The following AKAP12 variants were observed in gnomAD, a reference collection of about 807,000 sequenced individuals.
The protein encoded by AKAP12 is A-kinase anchoring protein 12.
AKAP12 carries 32 observed loss-of-function variants against 79.9 expected under a neutral mutation model. That is an observed-to-expected ratio of 0.40 (90% CI 0.30 to 0.54). AKAP12 has a LOEUF of 0.54. Ranked by LOEUF, AKAP12 falls within the 20% of genes least tolerant of loss-of-function variation. AKAP12 has a pLI of 0.48. For missense variants in AKAP12, 2,074 were observed against 2,177.0 expected (o/e 0.95, Z 0.94); for synonymous variants, 808 against 857.0 (o/e 0.94, Z 1.00).
chr6:151,280,493 G>A (rs755667461), intron 2 of AKAP12: 4 of 151,930 alleles, frequency 2.6e-5, no homozygotes, highest in Non-Finnish European at 4.4e-5. Flanking sequence ...GCTTTCAATA[G>A]CTCACAGCAC....
At chr6:151,324,192 C>T in intron 3 of AKAP12, 1 of 985,440 alleles carries the variant, frequency 1.0e-6, no homozygotes, top group South Asian at 4.7e-5. Context: ...GGTTGGGAAG[C>T]AGCTCAGTGG....
intron 2 of AKAP12, among the ~76,000 whole-genome samples, chr6:151,265,740 C>T (rs1797539793): frequency 6.6e-6 from 1 of 152,174 alleles, no homozygotes; most frequent in South Asian, 2.1e-4. Flanking sequence ...TGTCCTTTCC[C>T]ATCCATCCCT....
At chr6:151,242,343 T>G (rs1796994977) in intron 2 of AKAP12, among the ~76,000 whole-genome samples, 1 of 152,084 alleles carries the variant, frequency 6.6e-6, no homozygotes, top group South Asian at 2.1e-4. Context: ...TTCCATTCTC[T>G]TTTTCCGTCT....
At chr6:151,310,586 T>C (rs1256121168) in intron 3 of AKAP12, among the ~76,000 whole-genome samples, 1 of 152,176 alleles carries the variant, frequency 6.6e-6, no homozygotes, top group Non-Finnish European at 1.5e-5. Flanking sequence ...CTTTTGGTAA[T>C]TAGAACAACT....
Position 151,260,133 on chromosome 6 carries a change from C to T in AKAP12, c.162+19409C>T, listed in dbSNP as rs148798215. On this transcript the variant is annotated intron_variant, in intron 2 of 4. Coordinates refer to ENST00000402676, the MANE Select transcript of AKAP12 (RefSeq NM_005100.4). ...TCTTTTCTTACTGTCAGTTCGCTAA[C>T]GTTTATTGGGTTTGAGTGCTTATTA... Among the ~76,000 whole-genome samples, 417 of 152,170 alleles carry T rather than the reference C, an allele frequency of 2.7e-3. 7 individuals carry two copies. The highest frequency in any genetic ancestry group is 0.024 in the Admixed American group (363 of 15,274).
At chr6:151,320,625 C>T (rs1321598118) in intron 3 of AKAP12, among the ~76,000 whole-genome samples, 2 of 152,284 alleles carry the variant, frequency 1.3e-5, no homozygotes, top group East Asian at 1.9e-4. Context: ...CACAGATTCG[C>T]ACTGCATCTT....
chr6:151,289,112 T>C (rs1677442526), intron 2 of AKAP12, among the ~76,000 whole-genome samples: 1 of 152,244 alleles, frequency 6.6e-6, no homozygotes, highest in East Asian at 1.9e-4. Context: ...GTTTTTCTTT[T>C]CTTTTTAAAA....
chr6:151,271,063 G>A (rs558746326), intron 2 of AKAP12, among the ~76,000 whole-genome samples: 2 of 152,162 alleles, frequency 1.3e-5, no homozygotes, highest in Non-Finnish European at 2.9e-5. Flanking sequence ...AGGGGTGATG[G>A]TGAGGAGGTT....
chr6:151,276,964 G>A (rs1207430929), intron 2 of AKAP12, among the ~76,000 whole-genome samples: 2 of 152,042 alleles, frequency 1.3e-5, no homozygotes, highest in Non-Finnish European at 2.9e-5. Context: ...GCATCTCCAC[G>A]GGCACATAAT....
At chr6:151,245,767 ATGAT>A (rs1797062870) in intron 2 of AKAP12, among the ~76,000 whole-genome samples, 1 of 152,118 alleles carries the variant, frequency 6.6e-6, no homozygotes, top group African/African-American at 2.4e-5. Flanking sequence ...AAAAAAATTA[ATGAT>A]TGAGAACTTA....
chr6:151,296,347 T>C (rs1776724052), intron 2 of AKAP12, among the ~76,000 whole-genome samples: 1 of 152,266 alleles, frequency 6.6e-6, no homozygotes, highest in South Asian at 2.1e-4. Context: ...TTCTCTCTTT[T>C]AAAAACCTTG....
At chr6:151,321,854 G>GC (rs932399110) in intron 3 of AKAP12, among the ~76,000 whole-genome samples, 17 of 148,546 alleles carry the variant, frequency 1.1e-4, no homozygotes, top group Admixed American at 8.1e-4. Flanking sequence ...GGTCTTCCTT[G>GC]CCCCCCGCCA....
chr6:151,259,440 A>ATG (rs1473673425), intron 2 of AKAP12, among the ~76,000 whole-genome samples: 1 of 149,100 alleles, frequency 6.7e-6, no homozygotes, highest in African/African-American at 2.5e-5. Context: ...GTGTGTATAT[A>ATG]TGTGTATATA....
intron 3 of AKAP12, among the ~76,000 whole-genome samples, chr6:151,323,410 G>C (rs180949295): frequency 3.2e-4 from 48 of 152,288 alleles, no homozygotes; most frequent in African/African-American, 1.1e-3. Context: ...AATTAGCCGA[G>C]CATGGTGGCA....
chr6:151,350,389 G>A lies in AKAP12; in HGVS notation c.1998G>A (p.Pro666=), dbSNP rs747947110. 1.6e-5 allele frequency: 26 copies of A among 1,613,782 alleles called. No homozygotes were observed. The highest frequency in any genetic ancestry group is 1.9e-5 in the Non-Finnish European group (23 of 1,180,004). Residue 666 remains proline (P), a synonymous_variant, in exon 4 of 5, where the codon CCG becomes CCA. Coordinates refer to ENST00000402676, the MANE Select transcript of AKAP12 (RefSeq NM_005100.4). This position sits in a 1 kb window ranked among gnomAD's most constrained non-coding sequence, Gnocchi z 4.8. ...AAGGGAGCGTGGAAGAGCCAAAGCCGGAAGAACCAAAGCGCAAGGTGGATA... is the reference window on the plus strand; with the variant it reads ...AAGGGAGCGTGGAAGAGCCAAAGCCAGAAGAACCAAAGCGCAAGGTGGATA... ...EMKGSVEEPK[P]EEPKRKVDTS...
At chr6:151,343,465 T>C (rs1160579754) in intron 3 of AKAP12, among the ~76,000 whole-genome samples, 1 of 152,228 alleles carries the variant, frequency 6.6e-6, no homozygotes, top group East Asian at 1.9e-4. Flanking sequence ...ATCTCTTAAA[T>C]GGCATTAGAA....
chr6:151,340,196 G>A (rs189648072), intron 3 of AKAP12, among the ~76,000 whole-genome samples: 35 of 149,866 alleles, frequency 2.3e-4, no homozygotes, highest in Non-Finnish European at 3.8e-4. Context: ...GCCTCCCAAA[G>A]TGCTGGGTTA....
chr6:151,339,517 C>T (rs1388571139), intron 3 of AKAP12, among the ~76,000 whole-genome samples: 1 of 151,630 alleles, frequency 6.6e-6, no homozygotes, highest in Non-Finnish European at 1.5e-5. Context: ...CATAGCCTCC[C>T]CCAACCCTTA....
chr6:151,337,596 T>TA (rs1191991190), intron 3 of AKAP12, among the ~76,000 whole-genome samples: 1 of 151,212 alleles, frequency 6.6e-6, no homozygotes, highest in Admixed American at 6.6e-5. Context: ...AGAACACCCA[T>TA]ACCCTTTACT....
Sources: allele counts gnomAD v4.1 joint callset (sites outside exome capture counted in the v4.1 genomes callset), GRCh38; gene constraint gnomAD v4.1.1; non-coding constraint Gnocchi (gnomAD v3.1); transcripts MANE v1.5; gene names NCBI Gene and HGNC (gene_info 2026-07-23, HGNC 2026-07-21).